The following PXDNL variants were observed in gnomAD, a reference collection of about 807,000 sequenced individuals.
PXDNL encodes the protein peroxidasin like.
PXDNL carries 145 observed loss-of-function variants against 150.8 expected under a neutral mutation model. That is an observed-to-expected ratio of 0.96 (90% CI 0.84 to 1.10). The LOEUF is 1.10. Among genes scored for constraint, PXDNL ranks in the 50% least tolerant of loss-of-function variants. The probability of loss-of-function intolerance (pLI) is 0.00; values close to 1 mark genes in which losing one functional copy is unlikely to be tolerated. For synonymous variants in PXDNL, 757 were observed against 725.7 expected (o/e 1.04, Z -0.69); for missense variants, 2,087 against 1,873.9 (o/e 1.11, Z -2.10).
At chr8:51,421,713 G>T (rs927484157) in intron 14 of PXDNL, among the ~76,000 whole-genome samples, 2 of 152,042 alleles carry the variant, frequency 1.3e-5, no homozygotes, top group Non-Finnish European at 2.9e-5. Context: ...AAAATAAAAA[G>T]CAATTTTAAA....
rs546178081 is a variant in PXDNL at position 51,468,268 on chromosome 8, C to A, written c.812+3919G>T. On this transcript the variant is annotated intron_variant, in intron 8 of 22. Transcript: ENST00000356297. ...TATAATTGGATTTCCGTAAATACAT[C>A]CTTATAATTCTCTCAATCTTGTTTT... Among the ~76,000 whole-genome samples the A allele has an allele frequency of 2.3e-3, 357 of 151,964 alleles. 4 individuals carry two copies. The highest frequency in any genetic ancestry group is 0.01 in the Middle Eastern group (3 of 294).
intron 12 of PXDNL, among the ~76,000 whole-genome samples, chr8:51,446,237 A>G (rs1411643196): frequency 1.3e-5 from 2 of 152,222 alleles, no homozygotes; most frequent in African/African-American, 4.8e-5. Flanking sequence ...GCTCTCATCA[A>G]TATATGTTAC....
intron 1 of PXDNL, among the ~76,000 whole-genome samples, chr8:51,719,219 A>G (rs1816678834): frequency 6.6e-6 from 1 of 152,246 alleles, no homozygotes; most frequent in South Asian, 2.1e-4. Flanking sequence ...ATGTGGGGAA[A>G]AGATAGAGAA....
chr8:51,429,216 T>C (rs1809189421), intron 12 of PXDNL, among the ~76,000 whole-genome samples: 1 of 152,176 alleles, frequency 6.6e-6, no homozygotes. Context: ...ACTGAATTAC[T>C]CATACATTGT....
intron 2 of PXDNL, among the ~76,000 whole-genome samples, chr8:51,608,605 A>C (rs2130707091): frequency 6.7e-6 from 1 of 148,856 alleles, no homozygotes; most frequent in Middle Eastern, 3.5e-3. Flanking sequence ...TGGGAGGCCA[A>C]GGCGGGCAGA....
chr8:51,738,565 A>G, intron 1 of PXDNL, among the ~76,000 whole-genome samples: 1 of 152,154 alleles, frequency 6.6e-6, no homozygotes, highest in Middle Eastern at 3.2e-3. Flanking sequence ...ACACACGCAC[A>G]CACACACACA....
At chr8:51,758,716 C>A (rs929682716) in intron 1 of PXDNL, among the ~76,000 whole-genome samples, 3 of 152,176 alleles carry the variant, frequency 2.0e-5, no homozygotes, top group Non-Finnish European at 4.4e-5. Context: ...TCACCTTCTG[C>A]CATGACTGTA....
chr8:51,765,420 A>G (rs1347539107), intron 1 of PXDNL, among the ~76,000 whole-genome samples: 1 of 151,934 alleles, frequency 6.6e-6, no homozygotes, highest in East Asian at 1.9e-4. Context: ...AGTCCATTAA[A>G]TCTCTTTTTG....
intron 2 of PXDNL, among the ~76,000 whole-genome samples, chr8:51,602,781 T>G (rs1000103262): frequency 5.3e-5 from 8 of 151,730 alleles, no homozygotes; most frequent in Non-Finnish European, 1.2e-4. Flanking sequence ...GTTTTACAAT[T>G]ATTTTTTCAA....
intron 1 of PXDNL, among the ~76,000 whole-genome samples, chr8:51,739,721 A>T (rs1192878854): frequency 1.3e-5 from 2 of 151,960 alleles, no homozygotes; most frequent in African/African-American, 2.4e-5. Context: ...AAAAAAAAAT[A>T]AAAAATTAGC....
chr8:51,498,251 A>G (rs946491038), intron 5 of PXDNL, among the ~76,000 whole-genome samples: 3 of 144,382 alleles, frequency 2.1e-5, no homozygotes, highest in Non-Finnish European at 4.5e-5. Context: ...TGGACACAGG[A>G]AGGGAAACAT....
At chr8:51,520,151 G>A (rs1399005536) in intron 4 of PXDNL, among the ~76,000 whole-genome samples, 1 of 152,082 alleles carries the variant, frequency 6.6e-6, no homozygotes, top group Non-Finnish European at 1.5e-5. Context: ...GCAGGGAAAG[G>A]GAAAGAATTA....
chr8:51,637,613 C>G (rs1814634780), intron 2 of PXDNL, among the ~76,000 whole-genome samples: 1 of 151,850 alleles, frequency 6.6e-6, no homozygotes, highest in South Asian at 2.1e-4. Flanking sequence ...GATGGAAGAC[C>G]AAATGAATGA....
At chr8:51,676,236 C>G (rs73678945) in intron 1 of PXDNL, among the ~76,000 whole-genome samples, 3 of 151,988 alleles carry the variant, frequency 2.0e-5, no homozygotes, top group African/African-American at 4.8e-5. Context: ...GCCATTTGCT[C>G]TCTGATGAGT....
chr8:51,464,996 A>T (rs1055825045), intron 8 of PXDNL, among the ~76,000 whole-genome samples: 1 of 152,162 alleles, frequency 6.6e-6, no homozygotes, highest in African/African-American at 2.4e-5. Flanking sequence ...GCTTGTGCGA[A>T]TTCTACTTTA....
intron 1 of PXDNL, among the ~76,000 whole-genome samples, chr8:51,797,348 A>T (rs921846696): frequency 6.6e-5 from 10 of 152,206 alleles, no homozygotes; most frequent in African/African-American, 2.4e-4. Flanking sequence ...AAAAAGAAAT[A>T]AAGGGTATTC....
Position 51,409,437 on chromosome 8 carries a change from G to A in PXDNL, c.2187C>T (p.Ala729=), listed in dbSNP as rs771551052. Reference sequence around the variant, plus strand: ...GCAGGTTGTTGCACGTGCCGTCGTGGGCGCGGTACTTCGCATGGAAACACC... The same window carrying A: ...GCAGGTTGTTGCACGTGCCGTCGTGAGCGCGGTACTTCGCATGGAAACACC... The part of the protein sequence containing the change: ...SNRCFHAKYR[A]HDGTCNNLQQ... Residue 729 remains alanine (A), a synonymous_variant, in exon 17 of 23, where the codon GCC becomes GCT. Transcript: ENST00000356297. 7 of 1,612,440 alleles carry A rather than the reference G, an allele frequency of 4.3e-6. No individual in the cohort carries two copies. The Admixed American group carries it at 6.7e-5, about 15-fold the overall frequency.
At chr8:51,715,106 T>C (rs1294003627) in intron 1 of PXDNL, among the ~76,000 whole-genome samples, 1 of 152,218 alleles carries the variant, frequency 6.6e-6, no homozygotes, top group African/African-American at 2.4e-5. Context: ...AGTATATATC[T>C]GATAAGGGAT....
At chr8:51,386,977 T>G (rs923273488) in intron 17 of PXDNL, among the ~76,000 whole-genome samples, 1 of 152,226 alleles carries the variant, frequency 6.6e-6, no homozygotes, top group Non-Finnish European at 1.5e-5. Flanking sequence ...ATGCTCTGAC[T>G]TTTTTTCCAG....
Sources: allele counts gnomAD v4.1 joint callset (sites outside exome capture counted in the v4.1 genomes callset), GRCh38; gene constraint gnomAD v4.1.1; transcripts MANE v1.5; gene names NCBI Gene and HGNC (gene_info 2026-07-23, HGNC 2026-07-21).